The following PCDHGB5 variants were observed in gnomAD, a reference collection of about 807,000 sequenced individuals.
PCDHGB5 encodes the protein protocadherin gamma-B5.
A neutral mutation model predicts 62.9 loss-of-function variants in PCDHGB5; 48 were observed. That is an observed-to-expected ratio of 0.76 (90% confidence interval 0.61 to 0.97). The LOEUF is 0.97. Ranked by LOEUF, PCDHGB5 falls within the 50% of genes least tolerant of loss-of-function variation. The probability of loss-of-function intolerance (pLI) is 0.00; values close to 1 mark genes in which losing one functional copy is unlikely to be tolerated. For synonymous variants in PCDHGB5, 474 were observed against 511.2 expected (o/e 0.93, Z 0.98); for missense variants, 1,118 against 1,198.6 (o/e 0.93, Z 0.99).
chr5:141,399,610 C>T lies in PCDHGB5; in HGVS notation c.1483C>T (p.Leu495=). 6.2e-7 allele frequency: 1 copy of T among 1,613,946 alleles called. No individual in the cohort carries two copies. Among genetic ancestry groups the T allele is most frequent in the Non-Finnish European group, 8.5e-7 (1 of 1,179,880 alleles). ...YSIMASDLEP[L]ALASYVSMSA... ...TATCATGGCCAGCGACCTAGAGCCT[C>T]TGGCACTGGCCTCTTACGTGTCCAT... Residue 495 remains leucine, a synonymous_variant, in exon 1 of 4, where the codon CTG becomes TTG. Transcript: ENST00000617380.
intron 1 of PCDHGB5, among the ~76,000 whole-genome samples, chr5:141,438,149 A>G (rs1441404688): frequency 6.6e-6 from 1 of 152,220 alleles, no homozygotes; most frequent in African/African-American, 2.4e-5. Context: ...TAGCCAGCCT[A>G]TGGCAAAGCT....
intron 1 of PCDHGB5, among the ~76,000 whole-genome samples, chr5:141,461,768 C>T (rs532591390): frequency 1.3e-5 from 2 of 152,016 alleles, no homozygotes; most frequent in African/African-American, 4.8e-5. Context: ...ATTCTCCTGC[C>T]TCAGCCTCCC....
intron 1 of PCDHGB5, chr5:141,478,141 C>T (rs770862398): frequency 6.2e-7 from 1 of 1,614,044 alleles, no homozygotes; most frequent in Non-Finnish European, 8.5e-7. Context: ...AAGCCCGAGC[C>T]GAGTTCCCCT....
intron 1 of PCDHGB5, chr5:141,423,723 T>C: frequency 8.5e-7 from 1 of 1,174,478 alleles, no homozygotes; most frequent in Non-Finnish European, 1.1e-6. Context: ...TAAGGAGATG[T>C]TTTTTGAGCC....
chr5:141,432,227 T>C lies in PCDHGB5; in HGVS notation c.2397+31703T>C, dbSNP rs1046414550. On this transcript the variant is annotated intron_variant, in intron 1 of 3. Coordinates refer to ENST00000617380, the MANE Select transcript of PCDHGB5 (RefSeq NM_018925.3). This position sits in a 1 kb window ranked among gnomAD's most constrained non-coding sequence, Gnocchi z 6.0. ...TGAAGAGAACGCCCAGATCACTTATTCCCTGGCTGAGAACACCATCCAAGG... is the reference window on the plus strand; with the variant it reads ...TGAAGAGAACGCCCAGATCACTTATCCCCTGGCTGAGAACACCATCCAAGG... 1.4e-5 allele frequency: 22 copies of C among 1,614,080 alleles called. No individual in the cohort carries two copies. The highest frequency in any genetic ancestry group is 1.8e-5 in the Non-Finnish European group (21 of 1,180,042).
At chr5:141,417,866 G>C (rs1299960512) in intron 1 of PCDHGB5, 1 of 1,552,408 alleles carries the variant, frequency 6.4e-7, no homozygotes, top group African/African-American at 1.4e-5. Context: ...AACGATGGGA[G>C]GGAGCTGCGC....
chr5:141,461,921 T>G (rs2099026403), intron 1 of PCDHGB5, among the ~76,000 whole-genome samples: 1 of 152,222 alleles, frequency 6.6e-6, no homozygotes, highest in Non-Finnish European at 1.5e-5. Flanking sequence ...CCTCCTGGGT[T>G]CCAGCAATTC....
rs533830391 is a variant in PCDHGB5, at chr5:141,492,559, C to T, written c.2398-2248C>T. 4.6e-5 allele frequency among the ~76,000 whole-genome samples: 7 copies of T among 152,292 alleles called. No homozygotes were observed. The East Asian group carries it at 1.4e-3, about 29-fold the overall frequency. The stretch of plus-strand genomic sequence containing the variant: ...GGGCTGGGCCGGGTCGCCTGGGGGG[C>T]GGCCTGAGCGAGGCGCGGGGCCAGG... On this transcript the variant is annotated intron_variant, in intron 1 of 3. Coordinates refer to ENST00000617380, the MANE Select transcript of PCDHGB5 (RefSeq NM_018925.3).
At chr5:141,461,794 C>T (rs191966750) in intron 1 of PCDHGB5, among the ~76,000 whole-genome samples, 7 of 152,134 alleles carry the variant, frequency 4.6e-5, no homozygotes, top group African/African-American at 1.7e-4. Flanking sequence ...GCTGGGATTA[C>T]AGGTGCCCAC....
At chr5:141,420,382 C>CA (rs1414569792) in intron 1 of PCDHGB5, 5 of 1,300,530 alleles carry the variant, frequency 3.8e-6, no homozygotes, top group Non-Finnish European at 5.1e-6. Flanking sequence ...ATAGAGTTCG[C>CA]AAAATATAGG....
In PCDHGB5 at chr5:141,427,737, G is replaced by C. The variant is rs1460682938; in HGVS notation, c.2397+27213G>C. 2.5e-6 allele frequency: 3 copies of C among 1,223,986 alleles called. No homozygotes were observed. The African/African-American group carries it at 4.4e-5, about 18-fold the overall frequency. 75.8% of individuals were successfully genotyped at this position (1,223,986 alleles called of 1,614,324 possible). A position where few individuals can be genotyped will look rare whatever the true frequency, so the allele number is the denominator to read the frequency against. On this transcript the variant is annotated intron_variant, in intron 1 of 3. Coordinates refer to ENST00000617380, the MANE Select transcript of PCDHGB5 (RefSeq NM_018925.3). The stretch of plus-strand genomic sequence containing the variant: ...CCTGGACCTAGGGCTGAATGGCCAA[G>C]TCTCCTACTCCATCGTTACCACTGA...
At chr5:141,423,026 G>A in intron 1 of PCDHGB5, 2 of 1,614,210 alleles carry the variant, frequency 1.2e-6, no homozygotes, top group African/African-American at 1.3e-5. Flanking sequence ...AAAGATTCAG[G>A]CCAGAACGCC....
At chr5:141,404,465 G>C in intron 1 of PCDHGB5, 1 of 1,613,516 alleles carries the variant, frequency 6.2e-7, no homozygotes, top group Non-Finnish European at 8.5e-7. Flanking sequence ...CTCCACCTAT[G>C]TCTCTATTAA....
chr5:141,419,386 G>A (rs2096372901), intron 1 of PCDHGB5: 1 of 1,613,650 alleles, frequency 6.2e-7, no homozygotes, highest in Non-Finnish European at 8.5e-7. Context: ...CCGTGAGCGC[G>A]CAGAGCGGGG....
At chr5:141,423,557 G>A (rs1365715281) in intron 1 of PCDHGB5, 4 of 1,613,536 alleles carry the variant, frequency 2.5e-6, no homozygotes, top group East Asian at 2.2e-5. Context: ...CCCAACTATG[G>A]GGACACGCTC....
At chr5:141,482,366 AT>A (rs1425349819) in intron 1 of PCDHGB5, among the ~76,000 whole-genome samples, 1 of 152,150 alleles carries the variant, frequency 6.6e-6, no homozygotes, top group Non-Finnish European at 1.5e-5. Flanking sequence ...GTGAAAAGTA[AT>A]GCATATAAAG....
chr5:141,491,006 T>C lies in PCDHGB5; in HGVS notation c.2398-3801T>C. The C allele has an allele frequency of 6.2e-7, 1 of 1,614,062 alleles. No homozygotes were observed. Among genetic ancestry groups the C allele is most frequent in the Non-Finnish European group, 8.5e-7 (1 of 1,180,028 alleles). ...CGCTCTGCTCCTCCTGGCTCCTTGG[T>C]CACCAAGGTGACAGCCGTGGATGCT... On this transcript the variant is annotated intron_variant, in intron 1 of 3. Transcript: ENST00000617380. This position sits in a 1 kb window ranked among gnomAD's most constrained non-coding sequence, Gnocchi z 6.9.
At chr5:141,467,099 C>T (rs2099136810) in intron 1 of PCDHGB5, among the ~76,000 whole-genome samples, 1 of 149,976 alleles carries the variant, frequency 6.7e-6, no homozygotes, top group Admixed American at 6.7e-5. Context: ...GTCACACAGG[C>T]TGGAGTACAA....
At chr5:141,508,440 T>C (rs2099868879) in intron 3 of PCDHGB5, among the ~76,000 whole-genome samples, 1 of 152,186 alleles carries the variant, frequency 6.6e-6, no homozygotes, top group African/African-American at 2.4e-5. Context: ...CACAGTTCCT[T>C]AGTGGCAGAG....
Sources: allele counts gnomAD v4.1 joint callset (sites outside exome capture counted in the v4.1 genomes callset), GRCh38; gene constraint gnomAD v4.1.1; non-coding constraint Gnocchi (gnomAD v3.1); transcripts MANE v1.5; gene names NCBI Gene and HGNC (gene_info 2026-07-23, HGNC 2026-07-21).